PLCL1: variants seen among roughly 807,000 people sequenced by gnomAD.
PLCL1 encodes the protein inactive phospholipase C-like protein 1.
A neutral mutation model predicts 84.4 loss-of-function variants in PLCL1; 41 were observed. The ratio of observed to expected loss-of-function variants is 0.49; its 90% CI spans 0.38 to 0.63. PLCL1 has a LOEUF of 0.63. Ranked by LOEUF, PLCL1 falls within the 30% of genes least tolerant of loss-of-function variation. PLCL1 has a pLI of 0.00. For synonymous variants in PLCL1, 490 were observed against 488.3 expected (o/e 1.00, Z -0.05); for missense variants, 1,206 against 1,367.8 (o/e 0.88, Z 1.87).
chr2:198,054,310 AT>A (rs1692012177), intron 1 of PLCL1, among the ~76,000 whole-genome samples: 1 of 152,220 alleles, frequency 6.6e-6, no homozygotes, highest in Admixed American at 6.5e-5. Context: ...CTTAAATTAC[AT>A]TTTCAACCAA....
chr2:197,967,389 G>T (rs1689766557), intron 1 of PLCL1, among the ~76,000 whole-genome samples: 1 of 152,044 alleles, frequency 6.6e-6, no homozygotes, highest in Non-Finnish European at 1.5e-5. Context: ...TAGAGATGGG[G>T]TTTCACCATG....
At chr2:197,970,898 T>C (rs1689850240) in intron 1 of PLCL1, among the ~76,000 whole-genome samples, 1 of 152,266 alleles carries the variant, frequency 6.6e-6, no homozygotes, top group African/African-American at 2.4e-5. Flanking sequence ...TTTTTGTGTT[T>C]AATAATTCCT....
chr2:197,815,321 A>G (rs559156932), intron 1 of PLCL1, among the ~76,000 whole-genome samples: 25 of 152,160 alleles, frequency 1.6e-4, no homozygotes, highest in Non-Finnish European at 3.5e-4. Flanking sequence ...ATGACAGCAC[A>G]TATGTTTATA....
intron 1 of PLCL1, among the ~76,000 whole-genome samples, chr2:197,865,417 A>G (rs1204808092): frequency 6.6e-6 from 1 of 152,156 alleles, no homozygotes. Context: ...TTCTTGTTAG[A>G]AATTTGGAAA....
At chr2:197,908,694 C>A (rs188019170) in intron 1 of PLCL1, among the ~76,000 whole-genome samples, 1 of 152,190 alleles carries the variant, frequency 6.6e-6, no homozygotes, top group Admixed American at 6.5e-5. Context: ...CTAATCATGT[C>A]TTTATTTAAT....
At chr2:197,844,734 G>C (rs1419476617) in intron 1 of PLCL1, among the ~76,000 whole-genome samples, 2 of 151,886 alleles carry the variant, frequency 1.3e-5, no homozygotes, top group African/African-American at 2.4e-5. Context: ...CTTTGGAAAC[G>C]TTTTTAAAGT....
chr2:197,825,515 A>G (rs1457462345), intron 1 of PLCL1, among the ~76,000 whole-genome samples: 1 of 152,196 alleles, frequency 6.6e-6, no homozygotes, highest in Non-Finnish European at 1.5e-5. Context: ...CTTTTCTTGC[A>G]TCTTCTGTAG....
In PLCL1 at chr2:197,892,079, C is replaced by T. The variant is rs147548016; in HGVS notation, c.240+86740C>T. Among the ~76,000 whole-genome samples, 324 of 152,268 alleles carry T rather than the reference C, an allele frequency of 2.1e-3. 1 individual carries two copies. Among genetic ancestry groups the T allele is most frequent in the African/African-American group, 7.3e-3 (305 of 41,564 alleles). The stretch of plus-strand genomic sequence containing the variant: ...TAACAAAGTTCTACTTCCGTTGACC[C>T]CTTTCTCTGTGCAAATAACATCCTG... On this transcript the variant is annotated intron_variant, in intron 1 of 5. Coordinates refer to ENST00000428675, the MANE Select transcript of PLCL1 (RefSeq NM_006226.4).
In PLCL1 at chr2:198,027,024, C is replaced by A. The variant is rs75716111; in HGVS notation, c.241-56734C>A. Among the ~76,000 whole-genome samples, 7 of 152,062 alleles carry A rather than the reference C, an allele frequency of 4.6e-5. No individual in the cohort carries two copies. In the East Asian group the frequency reaches 1.4e-3, roughly 29 times the overall value. ...GCAATCCCACTATTGGGTGTATATC[C>A]AAAGGAAATTAGTATGTTGAAAAGA... is the stretch of plus-strand genomic sequence containing the variant. On this transcript the variant is annotated intron_variant, in intron 1 of 5. Transcript: ENST00000428675.
intron 1 of PLCL1, among the ~76,000 whole-genome samples, chr2:197,867,409 C>T (rs1205974151): frequency 2.6e-5 from 4 of 151,478 alleles, no homozygotes; most frequent in East Asian, 1.9e-4. Context: ...ACTATAAGTC[C>T]GCTGGTCTTT....
At position 197,805,567 on chromosome 2, in the gene PLCL1, T is replaced by C. The variant is rs1395675700; in HGVS notation, c.240+228T>C. 6.6e-6 allele frequency among the ~76,000 whole-genome samples: 1 copy of C among 152,206 alleles called. No individual in the cohort carries two copies. Among genetic ancestry groups the C allele is most frequent in the African/African-American group, 2.4e-5 (1 of 41,446 alleles). On this transcript the variant is annotated intron_variant, in intron 1 of 5. Coordinates refer to ENST00000428675, the MANE Select transcript of PLCL1 (RefSeq NM_006226.4). This position sits in a 1 kb window ranked among gnomAD's most constrained non-coding sequence, Gnocchi z 4.0. Reference sequence around the variant, plus strand: ...ACTGACGGCAGAGGAAAAGTTCCGCTCTGCGTCTTTGCGTTCTGATGGATG... The same window carrying C: ...ACTGACGGCAGAGGAAAAGTTCCGCCCTGCGTCTTTGCGTTCTGATGGATG...
rs149830784 is a variant in PLCL1, at chr2:197,914,704, G to A, written c.240+109365G>A. On this transcript the variant is annotated intron_variant, in intron 1 of 5. Coordinates refer to ENST00000428675, the MANE Select transcript of PLCL1 (RefSeq NM_006226.4). ...CTTTATCAAATAGCAGTCCTGTGTC[G>A]CAGGGTGATTTATTAAATCAGTTAA... 8.4e-4 allele frequency among the ~76,000 whole-genome samples: 128 copies of A among 152,226 alleles called. No homozygotes were observed. In the East Asian group the frequency reaches 0.02, roughly 24 times the overall value.
Position 198,083,768 on chromosome 2 carries a change from A to G in PLCL1, c.251A>G (p.Asn84Ser). The part of the protein sequence containing the change: ...RRSSIIKDPS[N>S]QKCGGRKKTV... ...CAAATTATTTTACAGGATCCTTCAAACCAAAAATGTGGTGGAAGAAAGAAA... is the reference window on the plus strand; with the variant it reads ...CAAATTATTTTACAGGATCCTTCAAGCCAAAAATGTGGTGGAAGAAAGAAA... Residue 84 changes from asparagine to serine, a missense_variant, in exon 2 of 6, where the codon AAC (asparagine) becomes AGC (serine). Coordinates refer to ENST00000428675, the MANE Select transcript of PLCL1 (RefSeq NM_006226.4). 3 of 1,578,368 alleles carry G rather than the reference A, an allele frequency of 1.9e-6. No homozygotes were observed. The highest frequency in any genetic ancestry group is 2.6e-6 in the Non-Finnish European group (3 of 1,164,840).
At chr2:197,808,576 AT>A (rs1367968249) in intron 1 of PLCL1, among the ~76,000 whole-genome samples, 1 of 152,192 alleles carries the variant, frequency 6.6e-6, no homozygotes, top group African/African-American at 2.4e-5. Context: ...GAGAAAATGC[AT>A]TTTTCACAGT....
intron 1 of PLCL1, among the ~76,000 whole-genome samples, chr2:197,882,847 A>G (rs1291572521): frequency 1.3e-5 from 2 of 152,210 alleles, no homozygotes; most frequent in African/African-American, 2.4e-5. Flanking sequence ...TCCTTTAACA[A>G]CAGAATGGAT....
chr2:197,940,840 T>C (rs996557107), intron 1 of PLCL1, among the ~76,000 whole-genome samples: 1 of 152,232 alleles, frequency 6.6e-6, no homozygotes, highest in Non-Finnish European at 1.5e-5. Flanking sequence ...CTATGATTTC[T>C]ATTTCGGCTG....
chr2:197,850,039 C>G (rs868057616), intron 1 of PLCL1, among the ~76,000 whole-genome samples: 7 of 113,294 alleles, frequency 6.2e-5, no homozygotes, highest in African/African-American at 2.2e-4. Context: ...CAGACACACA[C>G]ACACACACAC....
At chr2:198,038,415 C>T (rs1691591351) in intron 1 of PLCL1, among the ~76,000 whole-genome samples, 1 of 152,064 alleles carries the variant, frequency 6.6e-6, no homozygotes, top group East Asian at 1.9e-4. Flanking sequence ...TAATTTCTCC[C>T]TGGGAGTGGT....
chr2:197,885,053 C>A (rs530051615), intron 1 of PLCL1, among the ~76,000 whole-genome samples: 1 of 152,292 alleles, frequency 6.6e-6, no homozygotes, highest in African/African-American at 2.4e-5. Flanking sequence ...TCTCATGCTC[C>A]AGCCACAGTG....
Sources: allele counts gnomAD v4.1 joint callset (sites outside exome capture counted in the v4.1 genomes callset), GRCh38; gene constraint gnomAD v4.1.1; non-coding constraint Gnocchi (gnomAD v3.1); transcripts MANE v1.5; gene names NCBI Gene and HGNC (gene_info 2026-07-23, HGNC 2026-07-21).